The following CNTN4 variants were observed in gnomAD, a reference collection of about 807,000 sequenced individuals.
CNTN4 encodes the protein contactin-4.
In CNTN4, 77 loss-of-function variants were observed where a neutral mutation model predicts 122.5. That is an observed-to-expected ratio of 0.63 (90% CI 0.52 to 0.76). The LOEUF (loss-of-function observed/expected upper bound fraction) is 0.76. Ranked by LOEUF, CNTN4 falls within the 30% of genes least tolerant of loss-of-function variation. CNTN4 has a pLI of 0.00. For synonymous variants in CNTN4, 512 were observed against 447.0 expected (o/e 1.15, Z -1.83); for missense variants, 1,256 against 1,259.1 (o/e 1.00, Z 0.04).
At chr3:2,948,198 A>T (rs1286245069) in intron 13 of CNTN4, among the ~76,000 whole-genome samples, 1 of 152,200 alleles carries the variant, frequency 6.6e-6, no homozygotes, top group African/African-American at 2.4e-5. Flanking sequence ...AACTCTAGGA[A>T]GGTTTGTTCT....
chr3:3,008,522 T>C (rs1696870324), intron 14 of CNTN4, among the ~76,000 whole-genome samples: 1 of 152,212 alleles, frequency 6.6e-6, no homozygotes, highest in Non-Finnish European at 1.5e-5. Context: ...TTTTGCTCCT[T>C]AGTGTGGGCT....
intron 2 of CNTN4, among the ~76,000 whole-genome samples, chr3:2,158,756 C>G (rs1044018703): frequency 6.6e-6 from 1 of 152,180 alleles, no homozygotes; most frequent in Non-Finnish European, 1.5e-5. Context: ...TCACTCTTGT[C>G]ATTTGGGAAA....
intron 13 of CNTN4, among the ~76,000 whole-genome samples, chr3:2,962,569 A>G (rs1425965200): frequency 6.6e-6 from 1 of 152,234 alleles, no homozygotes; most frequent in African/African-American, 2.4e-5. Flanking sequence ...GAAAGGCAGA[A>G]GCTGTATATT....
intron 3 of CNTN4, among the ~76,000 whole-genome samples, chr3:2,456,009 A>T (rs1022488699): frequency 2.6e-5 from 4 of 152,118 alleles, no homozygotes; most frequent in African/African-American, 9.7e-5. Context: ...GGCACAGTAG[A>T]TTATTTAATC....
chr3:2,521,059 C>T (rs867739120), intron 3 of CNTN4, among the ~76,000 whole-genome samples: 1 of 152,076 alleles, frequency 6.6e-6, no homozygotes, highest in Non-Finnish European at 1.5e-5. Context: ...TCTGAGGCGC[C>T]TTGTCCCTAT....
intron 3 of CNTN4, among the ~76,000 whole-genome samples, chr3:2,473,966 A>G (rs1188525537): frequency 1.3e-5 from 2 of 151,852 alleles, no homozygotes; most frequent in Non-Finnish European, 2.9e-5. Flanking sequence ...GTGAGCCAAG[A>G]TCACGCCACT....
At chr3:2,646,881 T>C (rs1451341518) in intron 4 of CNTN4, among the ~76,000 whole-genome samples, 1 of 152,170 alleles carries the variant, frequency 6.6e-6, no homozygotes, top group African/African-American at 2.4e-5. Flanking sequence ...TAAGGTTTCA[T>C]TTAACTTAAT....
intron 4 of CNTN4, among the ~76,000 whole-genome samples, chr3:2,731,363 T>C (rs2088667430): frequency 6.6e-6 from 1 of 152,170 alleles, no homozygotes; most frequent in Non-Finnish European, 1.5e-5. Flanking sequence ...GTATGGAACT[T>C]TGCAGAACAC....
intron 4 of CNTN4, among the ~76,000 whole-genome samples, chr3:2,598,783 T>G (rs1236465136): frequency 6.6e-6 from 1 of 151,952 alleles, no homozygotes; most frequent in African/African-American, 2.4e-5. Context: ...AGAGCCATTG[T>G]ATTTGTACAA....
chr3:2,137,023 A>C (rs1214534042), intron 2 of CNTN4, among the ~76,000 whole-genome samples: 1 of 152,238 alleles, frequency 6.6e-6, no homozygotes, highest in Non-Finnish European at 1.5e-5. Flanking sequence ...AACAAATTAG[A>C]ATCTAGGAGA....
chr3:2,568,317 G>GAAAAAAA (rs770465722), intron 3 of CNTN4, among the ~76,000 whole-genome samples: 2 of 71,034 alleles, frequency 2.8e-5, no homozygotes, highest in East Asian at 5.4e-4. Context: ...GCAAGAATGT[G>GAAAAAAA]AAAAAAAAAA....
At chr3:2,848,126 C>G (rs1374416641) in intron 7 of CNTN4, among the ~76,000 whole-genome samples, 1 of 152,118 alleles carries the variant, frequency 6.6e-6, no homozygotes, top group African/African-American at 2.4e-5. Context: ...TGGCATACAC[C>G]TGTAGTCCCC....
At chr3:2,916,517 G>C (rs2094357734) in intron 12 of CNTN4, among the ~76,000 whole-genome samples, 1 of 146,668 alleles carries the variant, frequency 6.8e-6, no homozygotes, top group Non-Finnish European at 1.5e-5. Flanking sequence ...ACGGGGTTGG[G>C]GGTAAGGCCA....
At chr3:2,304,791 A>G (rs903865391) in intron 2 of CNTN4, among the ~76,000 whole-genome samples, 16 of 150,310 alleles carry the variant, frequency 1.1e-4, no homozygotes, top group Admixed American at 5.3e-4. Flanking sequence ...AGCTTTTTCC[A>G]TTGTAATTTA....
intron 8 of CNTN4, among the ~76,000 whole-genome samples, chr3:2,868,425 T>G (rs1244789426): frequency 6.6e-6 from 1 of 152,166 alleles, no homozygotes; most frequent in Admixed American, 6.6e-5. Flanking sequence ...AAGAAAAACT[T>G]GACAAATGCA....
At chr3:2,507,565 C>T (rs1425094873) in intron 3 of CNTN4, among the ~76,000 whole-genome samples, 1 of 151,574 alleles carries the variant, frequency 6.6e-6, no homozygotes, top group Non-Finnish European at 1.5e-5. Context: ...GAAACCCCGT[C>T]TCTACTAAAA....
intron 3 of CNTN4, among the ~76,000 whole-genome samples, chr3:2,515,214 G>C (rs1317454734): frequency 6.6e-6 from 1 of 152,120 alleles, no homozygotes; most frequent in African/African-American, 2.4e-5. Flanking sequence ...CAGGGACCCA[G>C]AAAGTTATGC....
chr3:2,488,937 A>AT (rs1269920543), intron 3 of CNTN4, among the ~76,000 whole-genome samples: 20 of 152,348 alleles, frequency 1.3e-4, no homozygotes, highest in African/African-American at 4.1e-4. Context: ...AGAATCATAG[A>AT]TAAAAAGGAA....
intron 4 of CNTN4, among the ~76,000 whole-genome samples, chr3:2,722,658 G>A (rs2087936158): frequency 6.6e-6 from 1 of 152,084 alleles, no homozygotes; most frequent in Non-Finnish European, 1.5e-5. Context: ...CAAGTCAATG[G>A]CATTTTTTCT....
Sources: allele counts gnomAD v4.1 joint callset (sites outside exome capture counted in the v4.1 genomes callset), GRCh38; gene constraint gnomAD v4.1.1; transcripts MANE v1.5; gene names NCBI Gene and HGNC (gene_info 2026-07-23, HGNC 2026-07-21).